TEX9: variants seen among roughly 807,000 people sequenced by gnomAD.
The protein encoded by TEX9 is testis-expressed protein 9.
A neutral mutation model predicts 59.6 loss-of-function variants in TEX9; 74 were observed. The observed-to-expected ratio is 1.24, with a 90% confidence interval of 1.03 to 1.51. The LOEUF is 1.51. Ranked by LOEUF, TEX9 falls within the 40% of genes most tolerant of loss-of-function variation. The pLI, the probability that TEX9 is intolerant of heterozygous loss-of-function variation, is 0.00. For missense variants in TEX9, 522 were observed against 447.8 expected (o/e 1.17, Z -1.49); for synonymous variants, 186 against 152.2 (o/e 1.22, Z -1.64).
At chr15:56,420,392 C>T (rs987206215) in intron 10 of TEX9, among the ~76,000 whole-genome samples, 11 of 151,600 alleles carry the variant, frequency 7.3e-5, no homozygotes, top group African/African-American at 2.2e-4. Flanking sequence ...ACTGCAACCT[C>T]CGCCTCCCAG....
chr15:56,431,022 G>A (rs1418857262), intron 12 of TEX9, among the ~76,000 whole-genome samples: 1 of 152,156 alleles, frequency 6.6e-6, no homozygotes, highest in Non-Finnish European at 1.5e-5. Flanking sequence ...TTAGCTGGGT[G>A]TGGTGGCAAA....
intron 10 of TEX9, among the ~76,000 whole-genome samples, chr15:56,415,181 A>C (rs1433628407): frequency 1.3e-5 from 2 of 151,624 alleles, no homozygotes; most frequent in Non-Finnish European, 2.9e-5. Flanking sequence ...CCCATTCTGT[A>C]GGTGGTCTTT....
chr15:56,381,332 C>A (rs1209451474), intron 3 of TEX9, among the ~76,000 whole-genome samples: 1 of 152,084 alleles, frequency 6.6e-6, no homozygotes, highest in African/African-American at 2.4e-5. Flanking sequence ...TTTGAGCTTT[C>A]TCAAAACAGC....
In TEX9 at chr15:56,373,369, G is replaced by A. The variant is rs547560162; in HGVS notation, c.120-72G>A. On this transcript the variant is annotated intron_variant, in intron 2 of 12. Transcript: ENST00000352903. ...TTTGTTGATTACGTCACTTGATAAC[G>A]TGTAATTGCTGAAGTTTATTTTTTA... 61 of 1,406,186 alleles carry A rather than the reference G, an allele frequency of 4.3e-5. No individual in the cohort carries two copies. The African/African-American group carries it at 4.9e-4, about 11-fold the overall frequency. 87.1% of individuals were successfully genotyped at this position (1,406,186 alleles called of 1,614,324 possible).
At chr15:56,387,162 A>G (rs1476179342) in intron 4 of TEX9, among the ~76,000 whole-genome samples, 1 of 151,916 alleles carries the variant, frequency 6.6e-6, no homozygotes, top group Non-Finnish European at 1.5e-5. Context: ...AAGTAAGAAT[A>G]CCATACTATA....
chr15:56,354,335 C>A (rs115085488), intron 1 of TEX9, among the ~76,000 whole-genome samples: 5 of 152,254 alleles, frequency 3.3e-5, no homozygotes, highest in African/African-American at 1.2e-4. Context: ...ACTACTGTTA[C>A]TGCTTTGTCA....
intron 1 of TEX9, among the ~76,000 whole-genome samples, chr15:56,331,592 T>C (rs1425041922): frequency 6.6e-6 from 1 of 151,812 alleles, no homozygotes; most frequent in African/African-American, 2.4e-5. Flanking sequence ...AATTGAAAAA[T>C]TTCTTGAAAC....
chr15:56,456,338 A>G, the TEX9 span: 5 of 1,519,246 alleles, frequency 3.3e-6, no homozygotes, highest in Non-Finnish European at 4.4e-6. Context: ...GCTAAGGATT[A>G]CATAAGAGTT....
intron 1 of TEX9, among the ~76,000 whole-genome samples, chr15:56,293,863 C>T (rs1567075719): frequency 6.6e-6 from 1 of 152,238 alleles, no homozygotes; most frequent in African/African-American, 2.4e-5. Flanking sequence ...CCCTCCTGGA[C>T]TCTACATGTC....
Position 56,394,747 on chromosome 15 carries a change from GTC to G in TEX9, c.744_745del (p.Gln249SerfsTer16). On this transcript the variant is annotated frameshift_variant, in exon 9 of 13. Transcript: ENST00000352903. LOFTEE classifies it high-confidence loss of function. ...AGCAGCGAACAATTAATATGCAACA[GTC>G]TCAAGTAGAAAAATACAAAACTCTT... is the stretch of plus-strand genomic sequence containing the variant. 1.2e-6 allele frequency: 2 copies of G among 1,612,512 alleles called. No individual in the cohort carries two copies. The highest frequency in any genetic ancestry group is 2.2e-5 in the South Asian group (2 of 90,886).
At chr15:56,351,340 A>G (rs2046575134) in intron 1 of TEX9, among the ~76,000 whole-genome samples, 1 of 152,232 alleles carries the variant, frequency 6.6e-6, no homozygotes, top group African/African-American at 2.4e-5. Context: ...TCACTGTTGA[A>G]TATTTCAGCA....
intron 1 of TEX9, among the ~76,000 whole-genome samples, chr15:56,262,892 A>T (rs1430193452): frequency 6.6e-6 from 1 of 152,186 alleles, no homozygotes; most frequent in Non-Finnish European, 1.5e-5. Flanking sequence ...CTTAAAGTTT[A>T]CTTTGTCTGA....
intron 10 of TEX9, among the ~76,000 whole-genome samples, chr15:56,420,672 A>G (rs1490610352): frequency 3.9e-5 from 6 of 151,970 alleles, no homozygotes; most frequent in Non-Finnish European, 5.9e-5. Context: ...CTTTGCTAAT[A>G]TAAGCATTTA....
chr15:56,389,265 T>C, intron 5 of TEX9, 53 bp from the exon 6 acceptor site: 5 of 1,436,890 alleles, frequency 3.5e-6, no homozygotes, highest in Non-Finnish European at 4.9e-6. Flanking sequence ...ATTGCTTTCT[T>C]TGGCAAATGA....
chr15:56,429,627 C>G (rs1428197231), intron 12 of TEX9: 1 of 152,882 alleles, frequency 6.5e-6, no homozygotes, highest in Non-Finnish European at 1.5e-5. Flanking sequence ...GTCAATCTTG[C>G]AGAAAAGAAT....
rs545107057 is a variant in TEX9, at chr15:56,366,091, C to G, written c.119+421C>G. The stretch of plus-strand genomic sequence containing the variant: ...TTCTAAATTGAAAGGATGCTTCCCA[C>G]TGCAATCAGAATTACCATTCTCGTT... On this transcript the variant is annotated intron_variant, in intron 2 of 12. Transcript: ENST00000352903. Among the ~76,000 whole-genome samples, 4 of 152,306 alleles carry G rather than the reference C, an allele frequency of 2.6e-5. No individual in the cohort carries two copies. In the South Asian group the frequency reaches 8.3e-4, roughly 32 times the overall value.
intron 12 of TEX9, among the ~76,000 whole-genome samples, chr15:56,430,752 C>T (rs2050567111): frequency 6.6e-6 from 1 of 151,944 alleles, no homozygotes; most frequent in Non-Finnish European, 1.5e-5. Flanking sequence ...CAACCATGTG[C>T]CTATTACTGG....
At chr15:56,449,963 G>T (rs1395025709), downstream of TEX9, among the ~76,000 whole-genome samples, 1 of 152,086 alleles carries the variant, frequency 6.6e-6, no homozygotes, top group African/African-American at 2.4e-5. Context: ...CTACCAAGGG[G>T]TCGTCAATTT....
intron 9 of TEX9, among the ~76,000 whole-genome samples, chr15:56,403,309 G>A (rs1260026644): frequency 2.0e-5 from 3 of 152,196 alleles, no homozygotes; most frequent in Non-Finnish European, 4.4e-5. Context: ...AAATCAATGT[G>A]CAAAAATCAC....
Sources: gnomAD v4.1 joint callset for allele counts (sites outside exome capture counted in the v4.1 genomes callset) on GRCh38, gnomAD v4.1.1 for gene constraint, MANE v1.5 for transcripts, NCBI Gene and HGNC (gene_info 2026-07-23, HGNC 2026-07-21) for gene names.